The following DGKG variants were observed in gnomAD, a reference collection of about 807,000 sequenced individuals.
DGKG encodes diacylglycerol kinase gamma.
A neutral mutation model predicts 105.3 loss-of-function variants in DGKG; 78 were observed. The observed-to-expected ratio is 0.74, with a 90% confidence interval of 0.62 to 0.89. The LOEUF is 0.89. Ranked by LOEUF, DGKG falls within the 40% of genes least tolerant of loss-of-function variation. DGKG has a pLI of 0.00. For synonymous variants in DGKG, 346 were observed against 367.1 expected (o/e 0.94, Z 0.66); for missense variants, 958 against 1,020.1 (o/e 0.94, Z 0.83).
In DGKG at chr3:186,210,907, C is replaced by T. The variant is rs372274710; in HGVS notation, c.1917+888G>A. ...GAGAACCAATGGGCGTAAAGTCCCA[C>T]GGAGCAGGTGTGCATAGAAGTTTGG... On this transcript the variant is annotated intron_variant, in intron 21 of 24. Coordinates refer to ENST00000265022, the MANE Select transcript of DGKG (RefSeq NM_001346.3). This position sits in a 1 kb window ranked among gnomAD's most constrained non-coding sequence, Gnocchi z 5.2. Among the ~76,000 whole-genome samples, 225 of 152,328 alleles carry T rather than the reference C, an allele frequency of 1.5e-3. 1 individual carries two copies. Among genetic ancestry groups the T allele is most frequent in the Non-Finnish European group, 1.7e-3 (113 of 68,032 alleles).
At chr3:186,357,533 C>T (rs902107660) in intron 1 of DGKG, among the ~76,000 whole-genome samples, 11 of 152,228 alleles carry the variant, frequency 7.2e-5, no homozygotes, top group African/African-American at 2.7e-4. Flanking sequence ...CTTTCTGAGA[C>T]TCAGTTTCCT....
intron 16 of DGKG, 77 bp downstream of exon 16, chr3:186,260,360 AAG>A: frequency 9.7e-7 from 1 of 1,028,634 alleles, no homozygotes; most frequent in Admixed American, 2.1e-5. Flanking sequence ...AAAGAAAAAA[AAG>A]GTGACAAAAG....
In DGKG at chr3:186,297,621, G is replaced by T. The variant is rs560469983; in HGVS notation, c.311-138C>A. ...GGGGTTATGTGTCAGCTGGGTTCAT[G>T]CTCGCTTATTGGGATTGGCTGTGTC... On this transcript the variant is annotated intron_variant, in intron 4 of 24. Transcript: ENST00000265022. 7.6e-5 allele frequency: 51 copies of T among 670,396 alleles called. 1 individual carries two copies. The highest frequency in any genetic ancestry group is 4.3e-4 in the African/African-American group (24 of 56,072). 41.5% of individuals were successfully genotyped at this position (670,396 alleles called of 1,614,324 possible). A position where few individuals can be genotyped will look rare whatever the true frequency, so the allele number is the denominator to read the frequency against.
intron 21 of DGKG, among the ~76,000 whole-genome samples, chr3:186,192,866 T>C (rs1234582498): frequency 1.3e-5 from 2 of 152,220 alleles, no homozygotes; most frequent in Non-Finnish European, 2.9e-5. Context: ...CAGGTTTGTT[T>C]TTTAAAAAAG....
At chr3:186,234,908 A>G (rs1720339684) in intron 20 of DGKG, among the ~76,000 whole-genome samples, 1 of 152,236 alleles carries the variant, frequency 6.6e-6, no homozygotes, top group African/African-American at 2.4e-5. Flanking sequence ...ATCTTTGATC[A>G]TCCACCACTG....
At chr3:186,265,526 G>T (rs1048070915) in intron 13 of DGKG, among the ~76,000 whole-genome samples, 3 of 152,338 alleles carry the variant, frequency 2.0e-5, no homozygotes, top group African/African-American at 4.8e-5. Flanking sequence ...GACATCACGG[G>T]CTGACTTTAC....
chr3:186,185,837 C>T (rs1717601707), intron 22 of DGKG, among the ~76,000 whole-genome samples: 1 of 152,100 alleles, frequency 6.6e-6, no homozygotes, highest in African/African-American at 2.4e-5. Context: ...TTCTTCACAC[C>T]TGTAATCCCA....
intron 6 of DGKG, 101 bp downstream of exon 6, chr3:186,288,609 G>A (rs762665208): frequency 2.2e-5 from 28 of 1,288,622 alleles, no homozygotes; most frequent in South Asian, 1.2e-4. Context: ...ACGCATATCC[G>A]TGATATCAAC....
chr3:186,176,482 G>A (rs974364579), intron 22 of DGKG, among the ~76,000 whole-genome samples: 7 of 152,174 alleles, frequency 4.6e-5, no homozygotes, highest in African/African-American at 1.7e-4. Flanking sequence ...GAAAGACAAA[G>A]TTGGAGGAGA....
chr3:186,222,207 G>T (rs1719617927), intron 20 of DGKG, among the ~76,000 whole-genome samples: 1 of 152,182 alleles, frequency 6.6e-6, no homozygotes, highest in South Asian at 2.1e-4. Context: ...CTTTATGATA[G>T]GTCGGGTTAC....
chr3:186,247,575 A>T (rs1721003083), intron 19 of DGKG, among the ~76,000 whole-genome samples: 1 of 152,128 alleles, frequency 6.6e-6, no homozygotes, highest in Non-Finnish European at 1.5e-5. Flanking sequence ...AGGGAGCAAG[A>T]CCTTCTGCAA....
intron 2 of DGKG, among the ~76,000 whole-genome samples, chr3:186,313,003 A>T (rs1037208761): frequency 6.6e-6 from 1 of 152,228 alleles, no homozygotes; most frequent in African/African-American, 2.4e-5. Flanking sequence ...TTCAAGAAAG[A>T]TCTATTGAAT....
In DGKG at chr3:186,190,210, T is replaced by C. The variant is rs115655746; in HGVS notation, c.1918-1831A>G. The stretch of plus-strand genomic sequence containing the variant: ...TTATTTCTCCTCCCTCTCACACTAC[T>C]ACCAGGTTGTGCCACCTCTGGACTG... On this transcript the variant is annotated intron_variant, in intron 21 of 24. Transcript: ENST00000265022. Among the ~76,000 whole-genome samples, 1,162 of 152,306 alleles carry C rather than the reference T, an allele frequency of 7.6e-3. 23 individuals carry two copies. The highest frequency in any genetic ancestry group is 0.026 in the African/African-American group (1,064 of 41,550).
chr3:186,285,121 C>T (rs753505781), intron 6 of DGKG, among the ~76,000 whole-genome samples: 3 of 152,192 alleles, frequency 2.0e-5, no homozygotes, highest in Non-Finnish European at 4.4e-5. Context: ...CCTGCCACTT[C>T]TGGGGGGTGC....
intron 14 of DGKG, among the ~76,000 whole-genome samples, chr3:186,263,039 A>G (rs1198582740): frequency 6.6e-6 from 1 of 151,928 alleles, no homozygotes; most frequent in Non-Finnish European, 1.5e-5. Flanking sequence ...AGGCAGGAGA[A>G]TCGCTTGAAC....
rs1359841841 is a variant in DGKG at position 186,361,429 on chromosome 3, TC to T, written c.-249+516del. Among the ~76,000 whole-genome samples the T allele has an allele frequency of 6.6e-6, 1 of 152,126 alleles. No individual in the cohort carries two copies. Among genetic ancestry groups the T allele is most frequent in the Non-Finnish European group, 1.5e-5 (1 of 68,018 alleles). On this transcript the variant is annotated intron_variant, in intron 1 of 24. Coordinates refer to ENST00000265022, the MANE Select transcript of DGKG (RefSeq NM_001346.3). This position sits in a 1 kb window ranked among gnomAD's most constrained non-coding sequence, Gnocchi z 6.8. Reference sequence around the variant, plus strand: ...CTTCCCTCCTTTATTCTCTGAGGTGTCCGTGTTCGCTTCAGCTTCCCTTTAA... The same window carrying T: ...CTTCCCTCCTTTATTCTCTGAGGTGTCGTGTTCGCTTCAGCTTCCCTTTAA...
At chr3:186,234,905 A>G (rs1284318666) in intron 20 of DGKG, among the ~76,000 whole-genome samples, 2 of 152,212 alleles carry the variant, frequency 1.3e-5, no homozygotes, top group Non-Finnish European at 2.9e-5. Context: ...AAAATCTTTG[A>G]TCATCCACCA....
At position 186,267,799 on chromosome 3, in the gene DGKG, A is replaced by T. The variant is rs563478376; in HGVS notation, c.1117-22T>A. ...GAAACTGGGGGGAGAAATGAAAAAG[A>T]GAGTGAGTGAAAGTGAGCAAAGAAA... is the stretch of plus-strand genomic sequence containing the variant. On this transcript the variant is annotated intron_variant, in intron 12 of 24. Transcript: ENST00000265022. 232 of 1,607,750 alleles carry T rather than the reference A, an allele frequency of 1.4e-4. 2 individuals are homozygous for T. The South Asian group carries it at 2.4e-3, about 17-fold the overall frequency.
Position 186,336,746 on chromosome 3 carries a change from A to T in DGKG, c.-248-16039T>A, listed in dbSNP as rs73885850. Among the ~76,000 whole-genome samples, 403 of 152,266 alleles carry T rather than the reference A, an allele frequency of 2.6e-3. 2 individuals carry two copies. The highest frequency in any genetic ancestry group is 0.014 in the Middle Eastern group (4 of 294). On this transcript the variant is annotated intron_variant, in intron 1 of 24. Transcript: ENST00000265022. The stretch of plus-strand genomic sequence containing the variant: ...CAGAGTATGAGACAGAGAGAGAGAG[A>T]AGGGGAAGGAGGAGGAGGGAGAGGA...
Sources: allele counts gnomAD v4.1 joint callset (sites outside exome capture counted in the v4.1 genomes callset), GRCh38; gene constraint gnomAD v4.1.1; non-coding constraint Gnocchi (gnomAD v3.1); transcripts MANE v1.5; gene names NCBI Gene and HGNC (gene_info 2026-07-23, HGNC 2026-07-21).